The following GPC5 variants were observed in gnomAD, a reference collection of about 807,000 sequenced individuals.
GPC5 encodes the protein glypican-5.
GPC5 carries 47 observed loss-of-function variants against 53.9 expected under a neutral mutation model. The observed-to-expected ratio is 0.87, with a 90% CI of 0.69 to 1.11. GPC5 has a LOEUF of 1.11. Ranked by LOEUF, GPC5 falls within the 50% of genes most tolerant of loss-of-function variation. The pLI is 0.00. For missense variants in GPC5, 748 were observed against 713.1 expected, an observed-to-expected ratio of 1.05 and a Z score of -0.56; for synonymous variants, 286 against 263.3, an observed-to-expected ratio of 1.09 and a Z score of -0.84.
At chr13:92,854,210 A>G (rs1878911848) in intron 7 of GPC5, among the ~76,000 whole-genome samples, 3 of 147,902 alleles carry the variant, frequency 2.0e-5, no homozygotes. Context: ...AGAGATATAT[A>G]TATTATATAT....
intron 6 of GPC5, among the ~76,000 whole-genome samples, chr13:92,010,871 C>T (rs1407934898): frequency 2.0e-5 from 3 of 152,140 alleles, no homozygotes; most frequent in African/African-American, 7.2e-5. Flanking sequence ...GTGTAATCCA[C>T]CCAGTGTGTG....
intron 6 of GPC5, among the ~76,000 whole-genome samples, chr13:92,141,498 A>C (rs2041830203): frequency 6.6e-6 from 1 of 152,140 alleles, no homozygotes; most frequent in African/African-American, 2.4e-5. Flanking sequence ...ATCTTACAGA[A>C]ATGATGACCT....
intron 7 of GPC5, among the ~76,000 whole-genome samples, chr13:92,262,350 C>T (rs567235973): frequency 6.6e-6 from 1 of 152,284 alleles, no homozygotes; most frequent in Admixed American, 6.5e-5. Context: ...TTTGTGACAA[C>T]ATGGTCTATT....
chr13:92,443,850 T>A (rs1417468168), intron 7 of GPC5, among the ~76,000 whole-genome samples: 1 of 152,198 alleles, frequency 6.6e-6, no homozygotes, highest in Admixed American at 6.5e-5. Flanking sequence ...TAGCAGCACA[T>A]CTGTTTCTGA....
intron 6 of GPC5, among the ~76,000 whole-genome samples, chr13:92,051,017 T>A (rs1047559920): frequency 6.6e-6 from 1 of 152,152 alleles, no homozygotes; most frequent in African/African-American, 2.4e-5. Context: ...TTTTGGAAGA[T>A]ATTAATTTTA....
intron 6 of GPC5, among the ~76,000 whole-genome samples, chr13:92,088,929 A>G (rs1029671394): frequency 5.3e-5 from 8 of 152,168 alleles, no homozygotes; most frequent in Non-Finnish European, 8.8e-5. Context: ...TAAACAATAA[A>G]AAAGAATTTA....
At chr13:91,546,792 A>G (rs2138792015) in intron 2 of GPC5, among the ~76,000 whole-genome samples, 1 of 152,186 alleles carries the variant, frequency 6.6e-6, no homozygotes, top group Admixed American at 6.5e-5. Context: ...AAAATCATTG[A>G]AAGAAGCTTA....
At chr13:92,041,664 T>G (rs1475282894) in intron 6 of GPC5, among the ~76,000 whole-genome samples, 1 of 152,048 alleles carries the variant, frequency 6.6e-6, no homozygotes, top group Non-Finnish European at 1.5e-5. Context: ...ATACCATAAG[T>G]CTAAGTAAAA....
chr13:92,609,142 T>A (rs1884353046), intron 7 of GPC5, among the ~76,000 whole-genome samples: 1 of 152,184 alleles, frequency 6.6e-6, no homozygotes, highest in South Asian at 2.1e-4. Flanking sequence ...GCTTATCGTT[T>A]GTATTTGAAT....
At chr13:92,678,043 C>CA (rs201772447) in intron 7 of GPC5, among the ~76,000 whole-genome samples, 1,903 of 152,260 alleles carry the variant, frequency 0.012, 17 homozygotes, top group Non-Finnish European at 0.02. Flanking sequence ...ACCAGGTATC[C>CA]AAATAAATGT....
intron 7 of GPC5, among the ~76,000 whole-genome samples, chr13:92,445,247 T>TTC (rs150266642): frequency 0.22 from 32,116 of 143,860 alleles, 4,541 homozygotes; most frequent in East Asian, 0.57. Flanking sequence ...TTCCTTTCCT[T>TTC]TCTCTCTCTC....
At chr13:91,639,695 G>A (rs1330402468) in intron 2 of GPC5, among the ~76,000 whole-genome samples, 2 of 152,172 alleles carry the variant, frequency 1.3e-5, no homozygotes, top group East Asian at 1.9e-4. Context: ...GTCCTGGGCC[G>A]AAAGGGATGG....
At chr13:91,542,611 C>G (rs1364932157) in intron 2 of GPC5, among the ~76,000 whole-genome samples, 1 of 152,186 alleles carries the variant, frequency 6.6e-6, no homozygotes, top group Non-Finnish European at 1.5e-5. Flanking sequence ...TGTCCAGAGT[C>G]CTTGCATCCC....
intron 5 of GPC5, among the ~76,000 whole-genome samples, chr13:91,845,493 T>C (rs907752523): frequency 6.6e-6 from 1 of 152,180 alleles, no homozygotes; most frequent in Non-Finnish European, 1.5e-5. Context: ...TTAAGAACAC[T>C]TAAGATCTGC....
intron 7 of GPC5, among the ~76,000 whole-genome samples, chr13:92,815,975 G>A (rs1594525755): frequency 6.6e-6 from 1 of 151,918 alleles, no homozygotes; most frequent in East Asian, 1.9e-4. Flanking sequence ...TTGAATAAAC[G>A]GTGGGAAATA....
At chr13:91,728,079 C>T (rs966336671) in intron 3 of GPC5, among the ~76,000 whole-genome samples, 7 of 151,898 alleles carry the variant, frequency 4.6e-5, no homozygotes, top group African/African-American at 1.7e-4. Flanking sequence ...TAAGAAAGGA[C>T]GTTAAGAAGA....
chr13:92,628,238 A>ATTTTG (rs1885109374), intron 7 of GPC5, among the ~76,000 whole-genome samples: 1 of 57,286 alleles, frequency 1.7e-5, no homozygotes, highest in African/African-American at 5.8e-5. Context: ...AATCAATCCT[A>ATTTTG]TTTTCTTTTC....
chr13:91,502,230 GC>G (rs1884678326), intron 2 of GPC5, among the ~76,000 whole-genome samples: 1 of 152,008 alleles, frequency 6.6e-6, no homozygotes, highest in Non-Finnish European at 1.5e-5. Flanking sequence ...CTTTTGCTGT[GC>G]AGAAGCTCTT....
At chr13:91,900,513 A>G (rs1451411986) in intron 5 of GPC5, among the ~76,000 whole-genome samples, 1 of 152,120 alleles carries the variant, frequency 6.6e-6, no homozygotes, top group African/African-American at 2.4e-5. Context: ...TTGGTAATTG[A>G]TTATAGTTAT....
Sources: allele counts gnomAD v4.1 joint callset (sites outside exome capture counted in the v4.1 genomes callset), GRCh38; gene constraint gnomAD v4.1.1; transcripts MANE v1.5; gene names NCBI Gene and HGNC (gene_info 2026-07-23, HGNC 2026-07-21).